Variants in TAFA5 observed in about 807,000 individuals in gnomAD.
TAFA5 encodes the protein TAFA chemokine like family member 5, also known as chemokine-like protein TAFA-5.
A neutral mutation model predicts 15.3 loss-of-function variants in TAFA5; 6 were observed. The observed-to-expected ratio is 0.39, with a 90% confidence interval of 0.21 to 0.77. TAFA5 has a LOEUF of 0.77. Ranked by LOEUF, TAFA5 falls within the 30% of genes least tolerant of loss-of-function variation. TAFA5 has a pLI of 0.41. For missense variants in TAFA5, 161 were observed against 193.1 expected, an observed-to-expected ratio of 0.83 and a Z score of 0.98; for synonymous variants, 103 against 80.7, an observed-to-expected ratio of 1.28 and a Z score of -1.48.
chr22:48,723,734 C>G (rs1209857625), intron 3 of TAFA5, among the ~76,000 whole-genome samples: 1 of 152,154 alleles, frequency 6.6e-6, no homozygotes, highest in African/African-American at 2.4e-5. Context: ...AAGAATGCCC[C>G]CAGGGTTGAC....
At chr22:48,725,558 G>A (rs1929690316) in intron 3 of TAFA5, among the ~76,000 whole-genome samples, 1 of 152,140 alleles carries the variant, frequency 6.6e-6, no homozygotes, top group Admixed American at 6.5e-5. Context: ...AACGAAGGCA[G>A]ACATCCAAGG....
At chr22:48,746,720 C>T (rs1930338594) in intron 3 of TAFA5, among the ~76,000 whole-genome samples, 1 of 152,200 alleles carries the variant, frequency 6.6e-6, no homozygotes, top group South Asian at 2.1e-4. Context: ...GGCCTCCTAC[C>T]AGGTGGCAGC....
rs190967863 is a variant in TAFA5, at chr22:48,566,735, T to C, written c.112+77031T>C. On this transcript the variant is annotated intron_variant, in intron 1 of 3. Transcript: ENST00000402357. This position sits in a 1 kb window ranked among gnomAD's most constrained non-coding sequence, Gnocchi z 4.5. ...TGAGAACTAAACGGGGTGAGGTGTG[T>C]AAAGGGTGTGGCCTGTAGAGAACCC... 3.9e-4 allele frequency among the ~76,000 whole-genome samples: 59 copies of C among 152,318 alleles called. No homozygotes were observed. Among genetic ancestry groups the C allele is most frequent in the Admixed American group, 2.1e-3 (32 of 15,308 alleles).
At chr22:48,739,221 T>C (rs1930112522) in intron 3 of TAFA5, among the ~76,000 whole-genome samples, 1 of 152,184 alleles carries the variant, frequency 6.6e-6, no homozygotes, top group African/African-American at 2.4e-5. Flanking sequence ...AAATATACCA[T>C]TGGAAAGACA....
chr22:48,676,021 G>A (rs1927961403), intron 2 of TAFA5, among the ~76,000 whole-genome samples: 1 of 152,290 alleles, frequency 6.6e-6, no homozygotes, highest in Non-Finnish European at 1.5e-5. Context: ...AGCTGGCGGT[G>A]GGGCAGGCAG....
intron 3 of TAFA5, among the ~76,000 whole-genome samples, chr22:48,726,158 G>A (rs535740331): frequency 1.3e-5 from 2 of 152,320 alleles, no homozygotes; most frequent in South Asian, 2.1e-4. Context: ...TTGAAACATC[G>A]TTTTACTTAT....
At chr22:48,702,806 T>TC (rs1242017705) in intron 2 of TAFA5, among the ~76,000 whole-genome samples, 2 of 152,210 alleles carry the variant, frequency 1.3e-5, no homozygotes, top group African/African-American at 4.8e-5. Context: ...GGCCCCTTTG[T>TC]CCCCGGGACA....
At chr22:48,730,332 G>A (rs1342411085) in intron 3 of TAFA5, among the ~76,000 whole-genome samples, 1 of 151,992 alleles carries the variant, frequency 6.6e-6, no homozygotes, top group African/African-American at 2.4e-5. Flanking sequence ...GTTACAGTGA[G>A]CCGAGATCAC....
At chr22:48,569,462 T>C (rs992853989) in intron 1 of TAFA5, among the ~76,000 whole-genome samples, 1 of 152,098 alleles carries the variant, frequency 6.6e-6, no homozygotes, top group Non-Finnish European at 1.5e-5. Flanking sequence ...GGTCTGATAG[T>C]GGACTTGGAG....
intron 3 of TAFA5, among the ~76,000 whole-genome samples, chr22:48,713,870 C>T (rs201413501): frequency 5.9e-5 from 9 of 152,218 alleles, no homozygotes; most frequent in Admixed American, 1.3e-4. Flanking sequence ...TCTTCGTTCT[C>T]GGATTCTGAG....
At chr22:48,670,184 T>G (rs542829999) in intron 2 of TAFA5, among the ~76,000 whole-genome samples, 1 of 152,364 alleles carries the variant, frequency 6.6e-6, no homozygotes, top group African/African-American at 2.4e-5. Context: ...CTGCCCCTCA[T>G]TCTGTAATCG....
In TAFA5 at chr22:48,552,087, T is replaced by C. The variant is rs1424937171; in HGVS notation, c.112+62383T>C. On this transcript the variant is annotated intron_variant, in intron 1 of 3. Transcript: ENST00000402357. This position sits in a 1 kb window ranked among gnomAD's most constrained non-coding sequence, Gnocchi z 4.1. Reference sequence around the variant, plus strand: ...TGCTCCCTCTGCTGTGCTCTGTCACTGTGGCTGTGTGGCTGCAGCCTGTGC... The same window carrying C: ...TGCTCCCTCTGCTGTGCTCTGTCACCGTGGCTGTGTGGCTGCAGCCTGTGC... 1.3e-5 allele frequency among the ~76,000 whole-genome samples: 2 copies of C among 152,244 alleles called. No individual in the cohort carries two copies. Among genetic ancestry groups the C allele is most frequent in the Admixed American group, 6.5e-5 (1 of 15,286 alleles).
intron 3 of TAFA5, among the ~76,000 whole-genome samples, chr22:48,740,171 C>T (rs1357725129): frequency 6.6e-6 from 1 of 152,174 alleles, no homozygotes; most frequent in Non-Finnish European, 1.5e-5. Flanking sequence ...CGAGGCTTTT[C>T]CTAACAGGAC....
At chr22:48,739,466 G>A (rs1459321708) in intron 3 of TAFA5, among the ~76,000 whole-genome samples, 1 of 152,128 alleles carries the variant, frequency 6.6e-6, no homozygotes, top group Non-Finnish European at 1.5e-5. Flanking sequence ...GGCACAGAAG[G>A]GCTGCATAGC....
chr22:48,506,012 G>T (rs1920991395), intron 1 of TAFA5, among the ~76,000 whole-genome samples: 1 of 152,164 alleles, frequency 6.6e-6, no homozygotes, highest in Admixed American at 6.5e-5. Context: ...CCAGCCTAGG[G>T]CCAGCCCTGA....
chr22:48,680,019 C>A (rs1601666336), intron 2 of TAFA5, among the ~76,000 whole-genome samples: 1 of 152,360 alleles, frequency 6.6e-6, no homozygotes, highest in African/African-American at 2.4e-5. Context: ...CCAGGAGTCA[C>A]AGAGGCCTCG....
chr22:48,606,624 C>T (rs942850681), intron 1 of TAFA5, among the ~76,000 whole-genome samples: 5 of 152,234 alleles, frequency 3.3e-5, no homozygotes, highest in African/African-American at 1.2e-4. Context: ...TGTTTACTTT[C>T]ATATGCAAAA....
chr22:48,489,680 G>T lies in TAFA5; in HGVS notation c.88G>T (p.Ala30Ser). 1 of 1,521,612 alleles carries T rather than the reference G, an allele frequency of 6.6e-7. No individual in the cohort carries two copies. Among genetic ancestry groups the T allele is most frequent in the Admixed American group, 2.0e-5 (1 of 49,440 alleles). The allele number at this position is 1,521,612 out of a possible 1,614,324, so 94.3% of individuals were successfully genotyped here. Residue 30 changes from alanine to serine, a missense_variant, in exon 1 of 4, where the codon GCC becomes TCC. Coordinates refer to ENST00000402357, the MANE Select transcript of TAFA5 (RefSeq NM_001082967.3). The surrounding 1 kb of genome is among the most constrained non-coding windows in gnomAD (Gnocchi z 5.5). ...SSTFWAFMIL[A>S]SLLIAYCSQL... Reference sequence around the variant, plus strand: ...AACTTTCTGGGCGTTCATGATCCTGGCCAGCCTGCTCATCGCCTACTGCAG... The same window carrying T: ...AACTTTCTGGGCGTTCATGATCCTGTCCAGCCTGCTCATCGCCTACTGCAG...
At chr22:48,559,328 GC>G (rs572689502) in intron 1 of TAFA5, among the ~76,000 whole-genome samples, 49 of 152,326 alleles carry the variant, frequency 3.2e-4, no homozygotes, top group Non-Finnish European at 3.7e-4. Flanking sequence ...CTGACTCTGA[GC>G]CCTCAGCCAT....
Sources: allele counts gnomAD v4.1 joint callset (sites outside exome capture counted in the v4.1 genomes callset), GRCh38; gene constraint gnomAD v4.1.1; non-coding constraint Gnocchi (gnomAD v3.1); transcripts MANE v1.5; gene names NCBI Gene and HGNC (gene_info 2026-07-23, HGNC 2026-07-21).